The following ITGB2 variants were observed in gnomAD, a reference collection of about 807,000 sequenced individuals.
ITGB2 encodes the protein integrin beta-2.
A neutral mutation model predicts 86.8 loss-of-function variants in ITGB2; 56 were observed. The observed-to-expected ratio is 0.65, with a 90% CI of 0.52 to 0.81. ITGB2 has a LOEUF of 0.81. Among genes scored for constraint, ITGB2 ranks in the 30% least tolerant of loss-of-function variants. ITGB2 has a pLI of 0.00. For synonymous variants in ITGB2, 457 were observed against 450.4 expected, an observed-to-expected ratio of 1.01 and a Z score of -0.19; for missense variants, 948 against 1,061.2, an observed-to-expected ratio of 0.89 and a Z score of 1.48.
rs544899904 is a variant in ITGB2 at position 44,910,495 on chromosome 21, C to G, written c.59-123G>C. 20 of 1,556,418 alleles carry G rather than the reference C, an allele frequency of 1.3e-5. No individual in the cohort carries two copies. The African/African-American group carries it at 2.3e-4, about 18-fold the overall frequency. ...CAGGGAGGCAGCCTCCAGGAGGAGA[C>G]CCCGCATTCGCCACCACCCCCAGGT... On this transcript the variant is annotated intron_variant, in intron 2 of 15. Coordinates refer to ENST00000652462, the MANE Select transcript of ITGB2 (RefSeq NM_000211.5).
intron 9 of ITGB2, chr21:44,893,947 GAAAC>G (rs1218596280): frequency 3.1e-6 from 1 of 327,728 alleles, no homozygotes; most frequent in Non-Finnish European, 6.1e-6. Context: ...GAGATGGAGA[GAAAC>G]AGAGAGAGGC....
At chr21:44,909,687 A>G (rs1340468004) in intron 3 of ITGB2, among the ~76,000 whole-genome samples, 1 of 152,238 alleles carries the variant, frequency 6.6e-6, no homozygotes, top group Non-Finnish European at 1.5e-5. Context: ...TCATTGGGAC[A>G]ACCAATAAAA....
Position 44,900,381 on chromosome 21 carries a change from A to G in ITGB2, c.836T>C (p.Leu279Pro), listed in dbSNP as rs759289402. The change falls in exon 7 of 16, where the codon CTG becomes CCG. Residue 279 changes from leucine (L) to proline (P), a missense_variant. Physicochemically the swap from Leu to Pro is moderately conservative, Grantham distance 98. Transcript: ENST00000652462. Reference protein sequence around the residue: ...FAGDGKLGAILTPNDGRCHLE... With the variant: ...FAGDGKLGAIPTPNDGRCHLE... ...GTGACAGCGGCCGTCGTTGGGGGTC[A>G]GGATGGCGCCCAGCTTCCCGTCGCC... 6.2e-7 allele frequency: 1 copy of G among 1,614,176 alleles called. No homozygotes were observed. The highest frequency in any genetic ancestry group is 1.7e-5 in the Admixed American group (1 of 60,030).
intron 1 of ITGB2, among the ~76,000 whole-genome samples, chr21:44,919,480 G>C (rs1263116972): frequency 6.6e-6 from 1 of 152,202 alleles, no homozygotes; most frequent in Non-Finnish European, 1.5e-5. Flanking sequence ...AGTGAGCTGG[G>C]CATGGATTCT....
Position 44,890,112 on chromosome 21 carries a change from C to G in ITGB2, c.1523G>C (p.Gly508Ala). ...RKDNNSIICS[G>A]LGDCVCGQCL... The stretch of plus-strand genomic sequence containing the variant: ...CTGCCCGCAGACACAGTCCCCCAGC[C>G]CTGAGCAGATGATGGAGTTGTTGTC... The change falls in exon 12 of 16, where the codon GGG becomes GCG. Residue 508 changes from glycine to alanine, a missense_variant. By Grantham distance (60) the Gly-to-Ala change is moderately conservative. Transcript: ENST00000652462. 1 of 1,613,490 alleles carries G rather than the reference C, an allele frequency of 6.2e-7. No homozygotes were observed. Among genetic ancestry groups the G allele is most frequent in the East Asian group, 2.2e-5 (1 of 44,866 alleles).
intron 1 of ITGB2, chr21:44,928,293 A>G (rs2084401027): frequency 6.6e-6 from 1 of 152,228 alleles, no homozygotes; most frequent in Non-Finnish European, 1.5e-5. Context: ...GGGGGTGGGA[A>G]GATGCTCAAT....
chr21:44,903,981 C>T (rs1243582535), intron 4 of ITGB2, among the ~76,000 whole-genome samples: 1 of 152,156 alleles, frequency 6.6e-6, no homozygotes, highest in African/African-American at 2.4e-5. Flanking sequence ...CCCAGGAGGC[C>T]CCTTTCTCCA....
Position 44,889,405 on chromosome 21 carries a change from A to G in ITGB2, c.1748T>C (p.Leu583Pro). The G allele has an allele frequency of 3.7e-6, 6 of 1,612,508 alleles. No individual in the cohort carries two copies. Among genetic ancestry groups the G allele is most frequent in the Non-Finnish European group, 4.2e-6 (5 of 1,179,686 alleles). Residue 583 changes from leucine (L) to proline (P), a missense_variant, in exon 13 of 16, where the codon CTG becomes CCG. Transcript: ENST00000652462. Reference sequence around the variant, plus strand: ...ACTACACTCAACACGCCGCGGGTTCAGGCAGCCCTCAGTGGTCCTCTCGCA... The same window carrying G: ...ACTACACTCAACACGCCGCGGGTTCGGGCAGCCCTCAGTGGTCCTCTCGCA... ...CQCERTTEGC[L>P]NPRRVECSGR...
chr21:44,918,620 G>A (rs1043431445), intron 1 of ITGB2, among the ~76,000 whole-genome samples: 2 of 152,204 alleles, frequency 1.3e-5, no homozygotes, highest in African/African-American at 4.8e-5. Context: ...CTGGATGGCC[G>A]CGGCCCCTGT....
chr21:44,910,661 AG>A (rs2084117172), intron 2 of ITGB2, 63 bp downstream of exon 2: 1 of 1,566,872 alleles, frequency 6.4e-7, no homozygotes, highest in African/African-American at 1.3e-5. Flanking sequence ...AAGTGAGGGC[AG>A]GCCCTGTTCT....
chr21:44,896,387 G>A (rs1251653636), intron 8 of ITGB2, among the ~76,000 whole-genome samples: 1 of 152,224 alleles, frequency 6.6e-6, no homozygotes, highest in Non-Finnish European at 1.5e-5. Flanking sequence ...GTTCTGGCCG[G>A]CCAGATGCAC....
chr21:44,902,329 G>A (rs2083972725), intron 5 of ITGB2, among the ~76,000 whole-genome samples: 1 of 152,278 alleles, frequency 6.6e-6, no homozygotes, highest in African/African-American at 2.4e-5. Context: ...ACATGCAAGT[G>A]TGAGCATGCA....
At chr21:44,900,175 C>T in intron 7 of ITGB2, 145 bp downstream of exon 7, 2 of 1,119,372 alleles carry the variant, frequency 1.8e-6, no homozygotes, top group Non-Finnish European at 1.3e-6. Flanking sequence ...AGACCCCACG[C>T]TGCCACTTGG....
intron 1 of ITGB2, among the ~76,000 whole-genome samples, chr21:44,920,408 G>A (rs73376545): frequency 0.019 from 2,836 of 152,292 alleles, 95 homozygotes; most frequent in African/African-American, 0.064. Context: ...GGGGCAGCAT[G>A]CAGACAGGAG....
upstream of ITGB2, among the ~76,000 whole-genome samples, chr21:44,922,714 G>A (rs3761397): frequency 6.8e-6 from 1 of 147,306 alleles, no homozygotes; most frequent in African/African-American, 2.5e-5. Context: ...AGGGAAAATA[G>A]AACAAACAAG....
At chr21:44,907,652 CTG>C (rs1244986417) in intron 3 of ITGB2, among the ~76,000 whole-genome samples, 1 of 152,264 alleles carries the variant, frequency 6.6e-6, no homozygotes, top group Non-Finnish European at 1.5e-5. Context: ...CTGATGAGGG[CTG>C]TGTTTGGTGG....
intron 1 of ITGB2, among the ~76,000 whole-genome samples, chr21:44,916,948 TG>T (rs1477104742): frequency 1.3e-5 from 2 of 152,038 alleles, no homozygotes; most frequent in African/African-American, 2.4e-5. Flanking sequence ...ACTAACAAAT[TG>T]CATAGAGGAA....
intron 8 of ITGB2, among the ~76,000 whole-genome samples, chr21:44,898,764 T>C (rs750519410): frequency 2.0e-5 from 3 of 152,224 alleles, no homozygotes; most frequent in Non-Finnish European, 4.4e-5. Flanking sequence ...TGTGTTTCCA[T>C]AAAATAAAGA....
In ITGB2 at chr21:44,899,066, C is replaced by T. The variant is rs200159456; in HGVS notation, c.993+1G>A. Reference sequence around the variant, plus strand: ...GATGCTCGGGACCCAACAGCACTCACCTCGTAGGTCTTCACCATCCTACTG... The same window carrying T: ...GATGCTCGGGACCCAACAGCACTCATCTCGTAGGTCTTCACCATCCTACTG... On this transcript the variant is annotated splice_donor_variant, in intron 8 of 15. Coordinates refer to ENST00000652462, the MANE Select transcript of ITGB2 (RefSeq NM_000211.5). LOFTEE classifies it high-confidence loss of function. 1.9e-6 allele frequency: 3 copies of T among 1,612,530 alleles called. No individual in the cohort carries two copies. Among genetic ancestry groups the T allele is most frequent in the East Asian group, 2.2e-5 (1 of 44,882 alleles).
Sources: allele counts gnomAD v4.1 joint callset (sites outside exome capture counted in the v4.1 genomes callset), GRCh38; gene constraint gnomAD v4.1.1; transcripts MANE v1.5; gene names NCBI Gene and HGNC (gene_info 2026-07-23, HGNC 2026-07-21).